The following AHI1 variants were observed in gnomAD, a reference collection of about 807,000 sequenced individuals.
The protein encoded by AHI1 is Abelson helper integration site 1, also known as jouberin.
Under a neutral mutation model 149.3 loss-of-function variants are expected in AHI1, and 123 were observed. That is an observed-to-expected ratio of 0.82 (90% CI 0.71 to 0.96). AHI1 has a LOEUF of 0.96. AHI1 is among the 40% of genes least tolerant of loss of function. AHI1 has a pLI of 0.00. For missense variants in AHI1, 1,439 were observed against 1,422.7 expected (o/e 1.01, Z -0.18); for synonymous variants, 475 against 459.8 (o/e 1.03, Z -0.42).
chr6:135,365,890 T>C (rs925671196), intron 23 of AHI1, among the ~76,000 whole-genome samples: 2 of 152,234 alleles, frequency 1.3e-5, no homozygotes, highest in Non-Finnish European at 2.9e-5. Flanking sequence ...CTTGTTCCAG[T>C]TCTCAGGGGG....
At chr6:135,372,916 A>C (rs1775281868) in intron 23 of AHI1, among the ~76,000 whole-genome samples, 1 of 152,108 alleles carries the variant, frequency 6.6e-6, no homozygotes, top group Non-Finnish European at 1.5e-5. Context: ...CTTCATATCC[A>C]CAGTGCCTAA....
intron 5 of AHI1, among the ~76,000 whole-genome samples, chr6:135,481,654 T>C (rs1395807500): frequency 6.6e-6 from 1 of 151,340 alleles, no homozygotes; most frequent in Non-Finnish European, 1.5e-5. Flanking sequence ...GTTTACTATT[T>C]GTTGTGCTCT....
chr6:135,428,750 T>C lies in AHI1; in HGVS notation c.2502A>G (p.Ala834=), dbSNP rs2128009566. ...LRIMDLRILV[A]RKFVGAANYR... ...AATTTGCTGCTCCTACAAACTTCCT[T>C]GCTACTAATCTACAAGCAAAAAAGA... The change falls in exon 19 of 29, where the codon GCA becomes GCG. Residue 834 remains alanine (A), a synonymous_variant. Transcript: ENST00000265602. 5 of 1,602,442 alleles carry C rather than the reference T, an allele frequency of 3.1e-6. No individual in the cohort carries two copies. The South Asian group carries it at 5.6e-5, about 18-fold the overall frequency.
rs369855680 is a variant in AHI1, at chr6:135,433,054, T to C, written c.2239A>G (p.Ile747Val). The C allele has an allele frequency of 5.6e-6, 9 of 1,613,048 alleles. No individual in the cohort carries two copies. The highest frequency in any genetic ancestry group is 1.7e-5 in the Admixed American group (1 of 59,996). The change falls in exon 16 of 29, where the codon ATC becomes GTC. Residue 747 changes from isoleucine to valine, a missense_variant. Transcript: ENST00000265602. The stretch of plus-strand genomic sequence containing the variant: ...TCAGTATCAAAACAAAGTGAGTTGA[T>C]AAAACTTTTGTGAACATCAAACTGT... ...VRQFDVHKSF[I>V]NSLCFDTEGH...
At chr6:135,432,391 C>T (rs947007996) in intron 16 of AHI1, among the ~76,000 whole-genome samples, 2 of 152,012 alleles carry the variant, frequency 1.3e-5, no homozygotes, top group Non-Finnish European at 2.9e-5. Flanking sequence ...CTCACTCTGT[C>T]GCCCAGGCTG....
In AHI1 at chr6:135,407,733, C is replaced by T. The variant is rs1421995908; in HGVS notation, c.2962-2756G>A. Among the ~76,000 whole-genome samples the T allele has an allele frequency of 2.6e-5, 4 of 152,172 alleles. No homozygotes were observed. In the South Asian group the frequency reaches 8.3e-4, roughly 32 times the overall value. ...TCATTTCTTAAAAAACATTTTTCTG[C>T]CGGGCACAGTGGCTCATGCCTGTAA... is the stretch of plus-strand genomic sequence containing the variant. On this transcript the variant is annotated intron_variant, in intron 21 of 28. Coordinates refer to ENST00000265602, the MANE Select transcript of AHI1 (RefSeq NM_001134831.2).
chr6:135,389,662 AT>A (rs1481451965), intron 23 of AHI1, among the ~76,000 whole-genome samples: 1 of 152,252 alleles, frequency 6.6e-6, no homozygotes, highest in African/African-American at 2.4e-5. Context: ...AGTCATATTA[AT>A]AAAATGATTC....
chr6:135,362,130 GTA>G (rs368400513), intron 23 of AHI1, among the ~76,000 whole-genome samples: 3 of 150,930 alleles, frequency 2.0e-5, no homozygotes, highest in South Asian at 4.2e-4. Context: ...GTGAGTGTGT[GTA>G]TATATATATA....
chr6:135,322,072 G>A (rs1387144934), intron 25 of AHI1, among the ~76,000 whole-genome samples: 1 of 152,210 alleles, frequency 6.6e-6, no homozygotes, highest in Non-Finnish European at 1.5e-5. Context: ...CAAAGTGCTG[G>A]GATTACAGGC....
Position 135,455,720 on chromosome 6 carries a change from C to T in AHI1, c.1344+14G>A. On this transcript the variant is annotated intron_variant, in intron 10 of 28. Transcript: ENST00000265602. ...AACTATCGTTTAATTTGAATTGGTC[C>T]ATTCAATTCATACCTCAAAGAACAG... is the stretch of plus-strand genomic sequence containing the variant. 6.6e-7 allele frequency: 1 copy of T among 1,513,946 alleles called. No individual in the cohort carries two copies. The highest frequency in any genetic ancestry group is 9.0e-7 in the Non-Finnish European group (1 of 1,115,330). 93.8% of individuals were successfully genotyped at this position (1,513,946 alleles called of 1,614,324 possible).
chr6:135,294,101 G>T (rs1294945035), intron 27 of AHI1, among the ~76,000 whole-genome samples: 1 of 152,020 alleles, frequency 6.6e-6, no homozygotes, highest in Non-Finnish European at 1.5e-5. Flanking sequence ...GAGGCGGGTG[G>T]ATCACTTGAG....
intron 24 of AHI1, among the ~76,000 whole-genome samples, chr6:135,342,429 A>T (rs1036427923): frequency 3.9e-5 from 6 of 151,926 alleles, no homozygotes; most frequent in African/African-American, 1.4e-4. Flanking sequence ...TATTACCATG[A>T]TCCCAAAACC....
intron 11 of AHI1, among the ~76,000 whole-genome samples, chr6:135,452,769 G>C (rs1489292756): frequency 2.0e-5 from 3 of 151,932 alleles, no homozygotes; most frequent in Non-Finnish European, 4.4e-5. Context: ...TTGATTTTCT[G>C]AATTAACCCT....
At chr6:135,342,869 C>T (rs967245088) in intron 24 of AHI1, among the ~76,000 whole-genome samples, 1 of 151,222 alleles carries the variant, frequency 6.6e-6, no homozygotes, top group Non-Finnish European at 1.5e-5. Flanking sequence ...AGTTTACCTT[C>T]TAAGATTAGG....
intron 24 of AHI1, among the ~76,000 whole-genome samples, chr6:135,345,966 T>C (rs1791134652): frequency 6.6e-6 from 1 of 152,194 alleles, no homozygotes; most frequent in Non-Finnish European, 1.5e-5. Context: ...ACCTTGATTC[T>C]GGCCATGGAA....
chr6:135,373,971 G>GATCTTTCTATATAT (rs1775455377), intron 23 of AHI1, among the ~76,000 whole-genome samples: 1 of 151,502 alleles, frequency 6.6e-6, no homozygotes, highest in Non-Finnish European at 1.5e-5. Context: ...ATATAGAACA[G>GATCTTTCTATATAT]AGATAGAATT....
chr6:135,427,582 G>A (rs1211150356), intron 19 of AHI1, among the ~76,000 whole-genome samples: 1 of 151,662 alleles, frequency 6.6e-6, no homozygotes, highest in Non-Finnish European at 1.5e-5. Context: ...CGGAAGTAGA[G>A]AGGTATATGA....
At chr6:135,469,591 A>G (rs1357985159) in intron 5 of AHI1, among the ~76,000 whole-genome samples, 3 of 152,216 alleles carry the variant, frequency 2.0e-5, no homozygotes, top group Admixed American at 6.5e-5. Context: ...GGAGTAACCA[A>G]AACAGCATGG....
chr6:135,380,351 C>T (rs901953256), intron 23 of AHI1, among the ~76,000 whole-genome samples: 1 of 152,006 alleles, frequency 6.6e-6, no homozygotes, highest in African/African-American at 2.4e-5. Context: ...ACAGCATTTA[C>T]ATTGTATTAG....
Sources: allele counts gnomAD v4.1 joint callset (sites outside exome capture counted in the v4.1 genomes callset), GRCh38; gene constraint gnomAD v4.1.1; transcripts MANE v1.5; gene names NCBI Gene and HGNC (gene_info 2026-07-23, HGNC 2026-07-21).